The following SLC5A4 variants were observed in gnomAD, a reference collection of about 807,000 sequenced individuals.
SLC5A4 encodes the protein probable glucose sensor protein SLC5A4.
SLC5A4 carries 55 observed loss-of-function variants against 70.3 expected under a neutral mutation model. That is an observed-to-expected ratio of 0.78 (90% CI 0.63 to 0.98). The LOEUF (loss-of-function observed/expected upper bound fraction) is 0.98. Ranked by LOEUF, SLC5A4 falls within the 50% of genes least tolerant of loss-of-function variation. The probability of loss-of-function intolerance (pLI) is 0.00; values close to 1 mark genes in which losing one functional copy is unlikely to be tolerated. For missense variants in SLC5A4, 735 were observed against 839.2 expected (o/e 0.88, Z 1.53); for synonymous variants, 268 against 305.7 (o/e 0.88, Z 1.29).
At chr22:32,323,188 G>A in the SLC5A4 span, among the ~76,000 whole-genome samples, 5 of 152,172 alleles carry the variant, frequency 3.3e-5, no homozygotes, top group Non-Finnish European at 5.9e-5. Flanking sequence ...CCACCATGGC[G>A]CCCTCCAGAC....
chr22:32,272,495 G>A, the SLC5A4 span: 1 of 716,296 alleles, frequency 1.4e-6, no homozygotes, highest in Non-Finnish European at 2.6e-6. Flanking sequence ...AAGAGCATCT[G>A]GCTGCTGTTA....
the SLC5A4 span, among the ~76,000 whole-genome samples, chr22:32,311,655 T>G: frequency 6.6e-6 from 1 of 152,142 alleles, no homozygotes. Flanking sequence ...TGTCTGTGTC[T>G]CCCACCAGAT....
chr22:32,257,659 C>CTTTTTTTTTTTT (rs58908133), upstream of SLC5A4, among the ~76,000 whole-genome samples: 1 of 141,968 alleles, frequency 7.0e-6, no homozygotes, highest in African/African-American at 2.7e-5. Context: ...GCAAGGTTTT[C>CTTTTTTTTTTTT]TTTTTTTTTT....
upstream of SLC5A4, among the ~76,000 whole-genome samples, chr22:32,258,351 A>T (rs1285195161): frequency 6.6e-6 from 1 of 152,194 alleles, no homozygotes; most frequent in Non-Finnish European, 1.5e-5. Context: ...AGTATGGTTG[A>T]TTCCAAAATA....
In SLC5A4 at chr22:32,254,158, T is replaced by C; in HGVS notation, c.191A>G (p.Asp64Gly). The C allele has an allele frequency of 2.5e-6, 4 of 1,613,910 alleles. No individual in the cohort carries two copies. The South Asian group carries it at 3.3e-5, about 13-fold the overall frequency. ...TIGGFFLAGR[D>G]MAWWPMGASL... ...TCCACTTACCGGCCACCAGGCCATA[T>C]CACGACCAGCGAGGAAGAAGCCTCC... The change falls in exon 2 of 15, where the codon GAT becomes GGT. Residue 64 changes from aspartate (D) to glycine (G), a missense_variant. Transcript: ENST00000266086.
At chr22:32,271,847 C>G in the SLC5A4 span, 1 of 608,304 alleles carries the variant, frequency 1.6e-6, no homozygotes. Context: ...CAGGAAGATC[C>G]CGCTGTGCTG....
chr22:32,280,306 C>T, the SLC5A4 span, among the ~76,000 whole-genome samples: 7 of 152,278 alleles, frequency 4.6e-5, no homozygotes, highest in South Asian at 6.2e-4. Context: ...CGTGAGCCAC[C>T]GTGCCCAGCC....
In SLC5A4 at chr22:32,232,911, T is replaced by C; in HGVS notation, c.1009A>G (p.Ile337Val). 4 of 1,614,040 alleles carry C rather than the reference T, an allele frequency of 2.5e-6. No homozygotes were observed. Among genetic ancestry groups the C allele is most frequent in the Non-Finnish European group, 3.4e-6 (4 of 1,179,966 alleles). Residue 337 changes from isoleucine to valine, a missense_variant, in exon 9 of 15, where the codon ATC becomes GTC. Transcript: ENST00000266086. ...ATTCAGGGCTTACCTGTGTACAGGA[T>C]GCGGCTGATCATCCCCGGCATCACC... Reference protein sequence around the residue: ...LMVMPGMISRILYTDMVACVV... With the variant: ...LMVMPGMISRVLYTDMVACVV...
chr22:32,335,693 C>G, the SLC5A4 span, among the ~76,000 whole-genome samples: 2 of 152,224 alleles, frequency 1.3e-5, no homozygotes, highest in African/African-American at 4.8e-5. Context: ...TTGTTCCTGC[C>G]TGCCCCCAGC....
At chr22:32,338,622 T>A in the SLC5A4 span, among the ~76,000 whole-genome samples, 1 of 151,968 alleles carries the variant, frequency 6.6e-6, no homozygotes, top group African/African-American at 2.4e-5. Context: ...TGAGCCAAGA[T>A]CACACCACTG....
the SLC5A4 span, among the ~76,000 whole-genome samples, chr22:32,291,870 TTTTCTATC>T: frequency 1.7e-4 from 18 of 104,788 alleles, no homozygotes; most frequent in African/African-American, 5.2e-4. Context: ...TTTATTTTTC[TTTTCTATC>T]TTTTTTTTTT....
At chr22:32,311,693 G>A in the SLC5A4 span, among the ~76,000 whole-genome samples, 41 of 151,772 alleles carry the variant, frequency 2.7e-4, no homozygotes, top group Middle Eastern at 6.8e-3. Flanking sequence ...CAGAGATGAG[G>A]TCTGACTCAT....
intron 7 of SLC5A4, 44 bp downstream of exon 7, chr22:32,237,200 G>C (rs1397278561): frequency 7.2e-7 from 1 of 1,392,256 alleles, no homozygotes; most frequent in Admixed American, 1.8e-5. Context: ...AACAAGTCCC[G>C]TGATTTCCAG....
chr22:32,331,391 G>A, the SLC5A4 span, among the ~76,000 whole-genome samples: 9 of 152,104 alleles, frequency 5.9e-5, no homozygotes, highest in Admixed American at 2.0e-4. Flanking sequence ...GGAAATGGCC[G>A]TGCTCTGCAA....
chr22:32,294,531 C>T, the SLC5A4 span, among the ~76,000 whole-genome samples: 1 of 152,060 alleles, frequency 6.6e-6, no homozygotes, highest in Non-Finnish European at 1.5e-5. Flanking sequence ...CCTCCTGTGG[C>T]TCTTTGAGAG....
At chr22:32,306,261 C>T in the SLC5A4 span, among the ~76,000 whole-genome samples, 1 of 152,016 alleles carries the variant, frequency 6.6e-6, no homozygotes, top group African/African-American at 2.4e-5. Context: ...GTTAGGAGAT[C>T]GAGACCATCC....
At chr22:32,221,065 G>A in intron 13 of SLC5A4, 43 bp from the exon 14 acceptor site, 2 of 1,238,182 alleles carry the variant, frequency 1.6e-6, no homozygotes, top group Non-Finnish European at 2.4e-6. Context: ...ATAGGCAAAT[G>A]TTTGCAATAG....
intron 3 of SLC5A4, among the ~76,000 whole-genome samples, chr22:32,250,070 G>A (rs1313378828): frequency 6.6e-6 from 1 of 152,128 alleles, no homozygotes; most frequent in Non-Finnish European, 1.5e-5. Flanking sequence ...GAGATGAAAG[G>A]GAGAGCTAAA....
chr22:32,236,925 C>T (rs1257580992), intron 7 of SLC5A4, among the ~76,000 whole-genome samples: 17 of 151,970 alleles, frequency 1.1e-4, no homozygotes, highest in Admixed American at 1.1e-3. Context: ...AGGATGGCCT[C>T]GATCTCCTGA....
Sources: gnomAD v4.1 joint callset for allele counts (sites outside exome capture counted in the v4.1 genomes callset) on GRCh38, gnomAD v4.1.1 for gene constraint, MANE v1.5 for transcripts, NCBI Gene and HGNC (gene_info 2026-07-23, HGNC 2026-07-21) for gene names.